Variants in ZNF638 observed in about 807,000 individuals in gnomAD.
ZNF638 encodes CTCL tumor antigen se33-1.
ZNF638 carries 46 observed loss-of-function variants against 195.6 expected under a neutral mutation model. The observed-to-expected ratio is 0.24, with a 90% CI of 0.19 to 0.30. ZNF638 has a LOEUF of 0.30. ZNF638 is among the 10% of genes least tolerant of loss of function. The pLI, the probability that ZNF638 is intolerant of heterozygous loss-of-function variation, is 1.00. For missense variants in ZNF638, 2,440 were observed against 2,325.3 expected (o/e 1.05, Z -1.01); for synonymous variants, 845 against 772.0 (o/e 1.09, Z -1.57).
chr2:71,411,146 C>G (rs373450915), intron 20 of ZNF638, among the ~76,000 whole-genome samples: 1 of 151,244 alleles, frequency 6.6e-6, no homozygotes, highest in African/African-American at 2.4e-5. Flanking sequence ...TACAGGCACG[C>G]CCTACCATGC....
intron 13 of ZNF638, 66 bp downstream of exon 13, chr2:71,399,711 G>C (rs878909103): frequency 6.8e-6 from 9 of 1,315,514 alleles, no homozygotes; most frequent in Admixed American, 5.9e-5. Context: ...TTTAAGTTCA[G>C]GGGTACATGT....
At chr2:71,399,976 A>G (rs1164384309) in intron 13 of ZNF638, 136 bp from the exon 14 acceptor site, 1 of 651,180 alleles carries the variant, frequency 1.5e-6, no homozygotes, top group Non-Finnish European at 2.4e-6. Context: ...TTGTTTTTCA[A>G]AGAGAGATGT....
chr2:71,393,349 G>T (rs527430066), intron 10 of ZNF638: 13 of 710,378 alleles, frequency 1.8e-5, no homozygotes, highest in African/African-American at 1.4e-4. Context: ...CAAATGAATT[G>T]CTAACGTGGG....
chr2:71,380,092 AT>A (rs967342046), intron 8 of ZNF638, 129 bp from the exon 9 acceptor site: 4 of 469,320 alleles, frequency 8.5e-6, no homozygotes, highest in Non-Finnish European at 1.1e-5. Context: ...ATTGAAAAAA[AT>A]GTCTTTATAA....
intron 3 of ZNF638, among the ~76,000 whole-genome samples, chr2:71,362,355 T>C (rs2079124385): frequency 6.6e-6 from 1 of 152,188 alleles, no homozygotes; most frequent in Non-Finnish European, 1.5e-5. Context: ...AGCTCTCATC[T>C]TTTCCCCTAA....
At chr2:71,339,989 C>T (rs141106751) in intron 1 of ZNF638, among the ~76,000 whole-genome samples, 361 of 152,148 alleles carry the variant, frequency 2.4e-3, no homozygotes, top group Non-Finnish European at 3.9e-3. Flanking sequence ...TTACAATAGC[C>T]CATTTATCAA....
At chr2:71,361,043 C>T (rs1417074510) in intron 3 of ZNF638, among the ~76,000 whole-genome samples, 1 of 152,162 alleles carries the variant, frequency 6.6e-6, no homozygotes, top group Admixed American at 6.5e-5. Flanking sequence ...CTCACTGCAA[C>T]CTCCACCTCC....
chr2:71,337,141 T>TG (rs927490074), intron 1 of ZNF638, among the ~76,000 whole-genome samples: 1 of 151,808 alleles, frequency 6.6e-6, no homozygotes, highest in African/African-American at 2.4e-5. Flanking sequence ...CCTATAGTTT[T>TG]TTTTTTTTTT....
rs2079982294 is a variant in ZNF638, at chr2:71,400,372, T to C, written c.2657-106T>C. 3 of 1,169,464 alleles carry C rather than the reference T, an allele frequency of 2.6e-6. No homozygotes were observed. In the South Asian group the frequency reaches 4.5e-5, roughly 17 times the overall value. The allele number at this position is 1,169,464 out of a possible 1,614,324, so 72.4% of individuals were successfully genotyped here. A position where few individuals can be genotyped will look rare whatever the true frequency, so the allele number is the denominator to read the frequency against. On this transcript the variant is annotated intron_variant, in intron 14 of 27. Transcript: ENST00000264447. The stretch of plus-strand genomic sequence containing the variant: ...GTCATTTTGTACTAATTCTCTAGAC[T>C]TGTTGTATTACACGTTTTCATGTAG...
At chr2:71,359,902 A>T (rs2079081129) in intron 3 of ZNF638, among the ~76,000 whole-genome samples, 1 of 152,194 alleles carries the variant, frequency 6.6e-6, no homozygotes, top group Admixed American at 6.5e-5. Context: ...ATAACAGTGC[A>T]TCAGAATTTT....
At chr2:71,417,233 C>T (rs571771065) in intron 20 of ZNF638, among the ~76,000 whole-genome samples, 3 of 151,764 alleles carry the variant, frequency 2.0e-5, no homozygotes, top group Admixed American at 6.6e-5. Context: ...GGGAGTGACC[C>T]GATTTTCCAG....
chr2:71,404,044 TCAGATTTGTTA>T (rs751421040), intron 17 of ZNF638, 46 bp downstream of exon 17: 2 of 1,565,810 alleles, frequency 1.3e-6, no homozygotes, highest in African/African-American at 2.8e-5. Flanking sequence ...AGTTTTTAAA[TCAGATTTGTTA>T]CAGTCTGTTA....
At chr2:71,364,343 T>G (rs970158275) in intron 5 of ZNF638, 91 bp downstream of exon 5, 20 of 1,347,824 alleles carry the variant, frequency 1.5e-5, no homozygotes, top group Non-Finnish European at 2.0e-5. Flanking sequence ...TGTTCTACTT[T>G]ATTAAATTTT....
At chr2:71,404,300 A>G (rs977764710) in intron 17 of ZNF638, among the ~76,000 whole-genome samples, 1 of 152,192 alleles carries the variant, frequency 6.6e-6, no homozygotes, top group Non-Finnish European at 1.5e-5. Context: ...GAATTCTGGA[A>G]GTTATCTTTA....
chr2:71,380,500 T>C lies in ZNF638; in HGVS notation c.2325-13T>C. 1.3e-6 allele frequency: 2 copies of C among 1,584,934 alleles called. No homozygotes were observed. The highest frequency in any genetic ancestry group is 8.5e-7 in the Non-Finnish European group (1 of 1,170,006). On this transcript the variant is annotated splice_polypyrimidine_tract_variant and intron_variant, in intron 9 of 27. Transcript: ENST00000264447. The stretch of plus-strand genomic sequence containing the variant: ...TCCTAAGTTGCTGCTAAATTTTTTC[T>C]CCTTTTAAATAGAAGAGATGCAGAT...
chr2:71,401,814 T>C (rs986508016), intron 15 of ZNF638, 142 bp from the exon 16 acceptor site: 3 of 674,474 alleles, frequency 4.4e-6, no homozygotes, highest in Non-Finnish European at 6.7e-6. Flanking sequence ...AATTTGAGGT[T>C]CAGACCAGCC....
intron 2 of ZNF638, among the ~76,000 whole-genome samples, chr2:71,353,717 A>G (rs1269914263): frequency 6.6e-6 from 1 of 152,078 alleles, no homozygotes; most frequent in Non-Finnish European, 1.5e-5. Context: ...GTATCTTCCT[A>G]TTTTTTCAAG....
At chr2:71,422,714 C>A in intron 21 of ZNF638, 100 bp from the exon 22 acceptor site, 2 of 1,236,426 alleles carry the variant, frequency 1.6e-6, no homozygotes, top group Non-Finnish European at 2.2e-6. Flanking sequence ...TAACAATTGG[C>A]ATCAGCAGGA....
rs1188918334 is a variant in ZNF638, at chr2:71,399,648, A to G, written c.2587+3A>G. On this transcript the variant is annotated splice_donor_region_variant and intron_variant, in intron 13 of 27. Transcript: ENST00000264447. The stretch of plus-strand genomic sequence containing the variant: ...TAACAAACCTGTGACTATACCAGGT[A>G]AGCTTGAAATGTGGTCATTCAGTGC... 2 of 1,604,612 alleles carry G rather than the reference A, an allele frequency of 1.2e-6. No individual in the cohort carries two copies. The highest frequency in any genetic ancestry group is 2.2e-5 in the East Asian group (1 of 44,658).
Sources: gnomAD v4.1 joint callset for allele counts (sites outside exome capture counted in the v4.1 genomes callset) on GRCh38, gnomAD v4.1.1 for gene constraint, MANE v1.5 for transcripts, NCBI Gene and HGNC (gene_info 2026-07-23, HGNC 2026-07-21) for gene names.